The following PRKN variants were observed in gnomAD, a reference collection of about 807,000 sequenced individuals.
The protein encoded by PRKN is E3 ubiquitin-protein ligase parkin.
Under a neutral mutation model 59.5 loss-of-function variants are expected in PRKN, and 56 were observed. The observed-to-expected ratio is 0.94, with a 90% CI of 0.76 to 1.18. The LOEUF (loss-of-function observed/expected upper bound fraction) is 1.18. PRKN is among the 50% of genes most tolerant of loss of function. The pLI is 0.00. For synonymous variants in PRKN, 250 were observed against 222.1 expected (o/e 1.13, Z -1.12); for missense variants, 657 against 596.4 (o/e 1.10, Z -1.06).
At chr6:161,794,817 A>G (rs1431045846) in intron 6 of PRKN, among the ~76,000 whole-genome samples, 5 of 152,088 alleles carry the variant, frequency 3.3e-5, no homozygotes, top group Non-Finnish European at 7.4e-5. Flanking sequence ...TCCAGATAAC[A>G]TCGATGTGCT....
chr6:161,537,948 G>A (rs12527638), intron 9 of PRKN, among the ~76,000 whole-genome samples: 26,175 of 152,106 alleles, frequency 0.17, 2,680 homozygotes, highest in Middle Eastern at 0.29. Flanking sequence ...GGAAAAAATC[G>A]CTTGGCATCA....
intron 4 of PRKN, among the ~76,000 whole-genome samples, chr6:162,113,575 T>C (rs1780534480): frequency 6.6e-6 from 1 of 152,222 alleles, no homozygotes; most frequent in South Asian, 2.1e-4. Flanking sequence ...TATGTATATG[T>C]ATACATGTAC....
At chr6:161,403,625 C>T (rs1368364472) in intron 9 of PRKN, among the ~76,000 whole-genome samples, 2 of 152,170 alleles carry the variant, frequency 1.3e-5, no homozygotes, top group South Asian at 2.1e-4. Context: ...TGGAGAGCCA[C>T]GCTTTTATCC....
intron 1 of PRKN, among the ~76,000 whole-genome samples, chr6:162,646,076 G>T (rs1440342568): frequency 6.6e-6 from 1 of 151,590 alleles, no homozygotes; most frequent in Non-Finnish European, 1.5e-5. Context: ...GTTTCACCGT[G>T]TTAGCCAGGA....
At chr6:161,635,529 G>C (rs1240810971) in intron 7 of PRKN, among the ~76,000 whole-genome samples, 2 of 152,206 alleles carry the variant, frequency 1.3e-5, no homozygotes, top group Admixed American at 1.3e-4. Flanking sequence ...TCTATTACAA[G>C]GACATCGGTG....
intron 9 of PRKN, among the ~76,000 whole-genome samples, chr6:161,434,624 G>GAGC (rs1159735253): frequency 6.6e-6 from 1 of 152,112 alleles, no homozygotes; most frequent in Non-Finnish European, 1.5e-5. Flanking sequence ...TGTAATCGCT[G>GAGC]AGCAAGTCAT....
intron 1 of PRKN, among the ~76,000 whole-genome samples, chr6:162,492,019 T>C (rs553093284): frequency 8.2e-4 from 125 of 152,292 alleles, no homozygotes; most frequent in African/African-American, 2.9e-3. Context: ...GTGGCAGACG[T>C]GTCTCGGGTG....
chr6:162,584,520 C>T (rs1200347229), intron 1 of PRKN, among the ~76,000 whole-genome samples: 4 of 151,958 alleles, frequency 2.6e-5, no homozygotes, highest in African/African-American at 9.7e-5. Flanking sequence ...AAAAAATAAT[C>T]AGAATAATTC....
At chr6:161,938,127 TG>T (rs976723005) in intron 6 of PRKN, among the ~76,000 whole-genome samples, 6 of 152,214 alleles carry the variant, frequency 3.9e-5, no homozygotes, top group Non-Finnish European at 8.8e-5. Context: ...CATTTGAGAA[TG>T]GTTCTTATTT....
intron 4 of PRKN, among the ~76,000 whole-genome samples, chr6:162,143,777 C>T (rs1781885408): frequency 6.6e-6 from 1 of 152,032 alleles, no homozygotes; most frequent in African/African-American, 2.4e-5. Context: ...GGTGATGAAG[C>T]TTGAATTGAG....
chr6:162,305,056 C>G (rs1339603187), intron 2 of PRKN, among the ~76,000 whole-genome samples: 1 of 152,076 alleles, frequency 6.6e-6, no homozygotes, highest in Non-Finnish European at 1.5e-5. Flanking sequence ...ACCTAAGCAC[C>G]AAGTTATGTA....
chr6:161,383,713 C>T (rs908229045), intron 10 of PRKN, among the ~76,000 whole-genome samples: 4 of 152,192 alleles, frequency 2.6e-5, no homozygotes, highest in African/African-American at 7.2e-5. Flanking sequence ...CAGTGATGCT[C>T]GCTCTGAGGC....
At chr6:162,339,350 G>T (rs1562684345) in intron 2 of PRKN, among the ~76,000 whole-genome samples, 1 of 131,300 alleles carries the variant, frequency 7.6e-6, no homozygotes, top group Admixed American at 7.6e-5. Context: ...GGGGGGGTCA[G>T]CCCCCGCCCG....
chr6:161,911,372 G>C (rs1167329859), intron 6 of PRKN, among the ~76,000 whole-genome samples: 4 of 152,080 alleles, frequency 2.6e-5, no homozygotes, highest in Non-Finnish European at 1.5e-5. Context: ...AGCCTCATGA[G>C]GTCACACTTT....
At chr6:162,466,208 C>T (rs568660697) in intron 1 of PRKN, among the ~76,000 whole-genome samples, 37 of 152,324 alleles carry the variant, frequency 2.4e-4, no homozygotes, top group African/African-American at 7.9e-4. Flanking sequence ...TGATAAATTA[C>T]TTCAAGAAAA....
Position 161,733,781 on chromosome 6 carries a change from A to T in PRKN, c.871+51991T>A, listed in dbSNP as rs1346529475. Reference sequence around the variant, plus strand: ...AATTCCCAGGGGGTGAAAAAAAAAAAAAATATATATATATATGTATATATA... The same window carrying T: ...AATTCCCAGGGGGTGAAAAAAAAAATAAATATATATATATATGTATATATA... On this transcript the variant is annotated intron_variant, in intron 7 of 11. Transcript: ENST00000366898. Among the ~76,000 whole-genome samples, 396 of 74,026 alleles carry T rather than the reference A, an allele frequency of 5.3e-3. 5 individuals carry two copies. Among genetic ancestry groups the T allele is most frequent in the African/African-American group, 0.028 (217 of 7,646 alleles). The allele number at this position is 74,026 out of a possible 152,430, so 48.6% of individuals were successfully genotyped here. A position where few individuals can be genotyped will look rare whatever the true frequency, so the allele number is the denominator to read the frequency against.
chr6:162,648,634 A>G (rs1308427866), intron 1 of PRKN, among the ~76,000 whole-genome samples: 1 of 152,122 alleles, frequency 6.6e-6, no homozygotes. Context: ...CACCCGCCTC[A>G]GCCTCCCAAA....
chr6:161,622,605 C>A lies in PRKN; in HGVS notation c.872-53189G>T, dbSNP rs929184291. ...CCCTCCACCCCACAGTCCATGTGAG[C>A]CTGAAAGAGAGGTTCTGTTCCTCTT... On this transcript the variant is annotated intron_variant, in intron 7 of 11. Coordinates refer to ENST00000366898, the MANE Select transcript of PRKN (RefSeq NM_004562.3). Among the ~76,000 whole-genome samples, 6 of 152,304 alleles carry A rather than the reference C, an allele frequency of 3.9e-5. No individual in the cohort carries two copies. In the South Asian group the frequency reaches 1.2e-3, roughly 32 times the overall value.
At chr6:161,696,081 G>T (rs1786010678) in intron 7 of PRKN, among the ~76,000 whole-genome samples, 1 of 152,070 alleles carries the variant, frequency 6.6e-6, no homozygotes, top group African/African-American at 2.4e-5. Context: ...TGAAGCTATA[G>T]GACACAAGAC....
Sources: gnomAD v4.1 joint callset for allele counts (sites outside exome capture counted in the v4.1 genomes callset) on GRCh38, gnomAD v4.1.1 for gene constraint, MANE v1.5 for transcripts, NCBI Gene and HGNC (gene_info 2026-07-23, HGNC 2026-07-21) for gene names.